CTSH: variants seen among roughly 807,000 people sequenced by gnomAD.
CTSH encodes pro-cathepsin H.
CTSH carries 52 observed loss-of-function variants against 56.3 expected under a neutral mutation model. The ratio of observed to expected loss-of-function variants is 0.92; its 90% CI spans 0.74 to 1.16. The LOEUF is 1.16. Among genes scored for constraint, CTSH ranks in the 50% most tolerant of loss-of-function variants. The pLI, the probability that CTSH is intolerant of heterozygous loss-of-function variation, is 0.00. For missense variants in CTSH, 406 were observed against 424.5 expected, an observed-to-expected ratio of 0.96 and a Z score of 0.38; for synonymous variants, 174 against 155.7, an observed-to-expected ratio of 1.12 and a Z score of -0.88.
intron 5 of CTSH, among the ~76,000 whole-genome samples, chr15:78,932,740 C>T (rs2055091344): frequency 6.6e-6 from 1 of 152,170 alleles, no homozygotes; most frequent in Non-Finnish European, 1.5e-5. Context: ...TGGCCTCTGA[C>T]CAGTGCCTGT....
At position 78,935,731 on chromosome 15, in the gene CTSH, T is replaced by C; in HGVS notation, c.249A>G (p.Ser83=). 1 of 1,611,216 alleles carries C rather than the reference T, an allele frequency of 6.2e-7. No individual in the cohort carries two copies. Among genetic ancestry groups the C allele is most frequent in the African/African-American group, 1.3e-5 (1 of 75,028 alleles). The change falls in exon 4 of 12, where the codon TCA becomes TCG. Residue 83 remains serine (S), a synonymous_variant. Transcript: ENST00000220166. ...HTFKMALNQF[S]DMSFAEIKHK... ...GTTTTATTTCAGCAAAGCTCATGTC[T>C]GAAAATTGGTTCAGTGCCACTACAA... is the stretch of plus-strand genomic sequence containing the variant.
chr15:78,921,589 G>A lies in CTSH; in HGVS notation c.*541C>T, dbSNP rs1258976679. ...TCTCCACTCAGGTTTGGGACAAATAGTCAAGATCTCAAATTAAGCCTGCTC... is the reference window on the plus strand; with the variant it reads ...TCTCCACTCAGGTTTGGGACAAATAATCAAGATCTCAAATTAAGCCTGCTC... On this transcript the variant is annotated 3_prime_UTR_variant, in exon 12 of 12. Transcript: ENST00000220166. 2 of 152,572 alleles carry A rather than the reference G, an allele frequency of 1.3e-5. No individual in the cohort carries two copies. Among genetic ancestry groups the A allele is most frequent in the Non-Finnish European group, 2.9e-5 (2 of 68,392 alleles). 9.5% of individuals were successfully genotyped at this position (152,572 alleles called of 1,614,324 possible).
At chr15:78,941,665 G>A (rs369052486) in intron 1 of CTSH, among the ~76,000 whole-genome samples, 5 of 151,222 alleles carry the variant, frequency 3.3e-5, no homozygotes, top group East Asian at 2.0e-4. Flanking sequence ...GCGTGGTGGC[G>A]GGCGCCTGCA....
In CTSH at chr15:78,929,568, C is replaced by T. The variant is rs187758419; in HGVS notation, c.549-75G>A. 52 of 1,008,460 alleles carry T rather than the reference C, an allele frequency of 5.2e-5. No individual in the cohort carries two copies. In the African/African-American group the frequency reaches 6.3e-4, roughly 12 times the overall value. The allele number at this position is 1,008,460 out of a possible 1,614,324, so 62.5% of individuals were successfully genotyped here. A position where few individuals can be genotyped will look rare whatever the true frequency, so the allele number is the denominator to read the frequency against. On this transcript the variant is annotated intron_variant, in intron 7 of 11. Coordinates refer to ENST00000220166, the MANE Select transcript of CTSH (RefSeq NM_004390.5). The stretch of plus-strand genomic sequence containing the variant: ...GCGGGGCCCTCGGGGACTGGCGTGG[C>T]GAGATATCTGGCCTGGCAGGCTGGG...
intron 10 of CTSH, among the ~76,000 whole-genome samples, chr15:78,923,772 C>A (rs867489301): frequency 2.0e-5 from 3 of 152,220 alleles, no homozygotes; most frequent in Non-Finnish European, 4.4e-5. Flanking sequence ...GTTGCCACTG[C>A]ATTTATTAAA....
chr15:78,924,694 T>C (rs2054863137), intron 10 of CTSH, among the ~76,000 whole-genome samples: 1 of 146,970 alleles, frequency 6.8e-6, no homozygotes, highest in African/African-American at 2.6e-5. Context: ...ACATGGGTAT[T>C]TTTTTTTTTT....
At chr15:78,925,704 GTCAT>G (rs1036429622) in intron 9 of CTSH, 5 of 387,020 alleles carry the variant, frequency 1.3e-5, no homozygotes, top group Admixed American at 3.7e-5. Flanking sequence ...TACTCATTCA[GTCAT>G]TCACATCCAT....
At chr15:78,940,597 A>T (rs2055267745) in intron 1 of CTSH, among the ~76,000 whole-genome samples, 1 of 152,022 alleles carries the variant, frequency 6.6e-6, no homozygotes, top group South Asian at 2.1e-4. Context: ...AAAGCTAGCC[A>T]GTGGAATCTA....
chr15:78,927,892 G>A (rs1412628703), intron 8 of CTSH, 111 bp from the exon 9 acceptor site: 1 of 840,984 alleles, frequency 1.2e-6, no homozygotes, highest in Non-Finnish European at 2.0e-6. Context: ...AGGGCCTGGG[G>A]GATGGGATAA....
Position 78,942,626 on chromosome 15 carries a change from G to A in CTSH, c.91+2265C>T, listed in dbSNP as rs140368448. On this transcript the variant is annotated intron_variant, in intron 1 of 11. Transcript: ENST00000220166. ...TGCCAGATATGAACGATTTATTACC[G>A]TTTTGTCTTTTTGTTTGCTGTCCCT... Among the ~76,000 whole-genome samples, 33 of 152,292 alleles carry A rather than the reference G, an allele frequency of 2.2e-4. No homozygotes were observed. In the East Asian group the frequency reaches 5.0e-3, roughly 23 times the overall value.
chr15:78,943,421 G>T (rs1027059412), intron 1 of CTSH, among the ~76,000 whole-genome samples: 4 of 152,024 alleles, frequency 2.6e-5, no homozygotes, highest in Non-Finnish European at 4.4e-5. Context: ...GTAGAGACAG[G>T]GTTTCACCAT....
rs769669640 is a variant in CTSH at position 78,935,026 on chromosome 15, G to A, written c.357C>T (p.Ser119=). 1.2e-5 allele frequency: 19 copies of A among 1,614,028 alleles called. No individual in the cohort carries two copies. The East Asian group carries it at 1.6e-4, about 13-fold the overall frequency. Residue 119 remains serine (S), a synonymous_variant, in exon 5 of 12, where the codon TCC becomes TCT. Coordinates refer to ENST00000220166, the MANE Select transcript of CTSH (RefSeq NM_004390.5). ...AATTTCCTTTTTTCCGCCAGTCCAC[G>A]GAAGGTGGGTAGGGACCAGTACCTC... The part of the protein sequence containing the change: ...YLRGTGPYPP[S]VDWRKKGNFV...
chr15:78,939,038 G>T, intron 2 of CTSH, 102 bp downstream of exon 2: 1 of 1,117,812 alleles, frequency 8.9e-7, no homozygotes, highest in Non-Finnish European at 1.3e-6. Flanking sequence ...AGGCAAAGTT[G>T]GAAATTCCCT....
At chr15:78,934,747 G>C (rs2055137187) in intron 5 of CTSH, 1 of 594,170 alleles carries the variant, frequency 1.7e-6, no homozygotes, top group Middle Eastern at 4.6e-4. Flanking sequence ...GGGGAAGGAA[G>C]GGAGTAAACT....
Position 78,931,448 on chromosome 15 carries a change from T to TC in CTSH, c.548+2_548+3insG. 1.9e-6 allele frequency: 3 copies of TC among 1,614,204 alleles called. No homozygotes were observed. Among genetic ancestry groups the TC allele is most frequent in the Non-Finnish European group, 2.5e-6 (3 of 1,180,028 alleles). On this transcript the variant is annotated splice_region_variant and intron_variant, in intron 7 of 11. Transcript: ENST00000220166. ...TTTGGGCCCCTTCTGGTCAGAGACGTACCCTTGGCAGCCGTGATTATTGAA... is the reference window on the plus strand; with the variant it reads ...TTTGGGCCCCTTCTGGTCAGAGACGTCACCCTTGGCAGCCGTGATTATTGAA...
In CTSH at chr15:78,931,488, C is replaced by CAA; in HGVS notation, c.510_511insTT (p.Asp171LeufsTer59). ...TGATTATTGAAGTCCTGGGCGCAGT[C>CAA]CACCAGCTGCTGTTCCGCCTGGAAG... is the stretch of plus-strand genomic sequence containing the variant. On this transcript the variant is annotated frameshift_variant, in exon 7 of 12. Transcript: ENST00000220166. LOFTEE classifies it high-confidence loss of function. The CAA allele has an allele frequency of 1.2e-6, 2 of 1,614,254 alleles. No individual in the cohort carries two copies. Among genetic ancestry groups the CAA allele is most frequent in the South Asian group, 2.2e-5 (2 of 91,092 alleles).
chr15:78,927,675 G>A (rs2054941157), intron 9 of CTSH, 38 bp downstream of exon 9: 2 of 1,595,150 alleles, frequency 1.3e-6, no homozygotes, highest in East Asian at 4.5e-5. Context: ...CTCCTCATCA[G>A]GACACATTCC....
At chr15:78,930,717 C>G (rs900855174) in intron 7 of CTSH, among the ~76,000 whole-genome samples, 4 of 152,110 alleles carry the variant, frequency 2.6e-5, no homozygotes, top group Non-Finnish European at 4.4e-5. Context: ...GACGTCACCC[C>G]TGGGTCCCCA....
chr15:78,931,285 A>G (rs753310030), intron 7 of CTSH, among the ~76,000 whole-genome samples, 166 bp downstream of exon 7: 3 of 152,200 alleles, frequency 2.0e-5, no homozygotes, highest in Non-Finnish European at 4.4e-5. Flanking sequence ...CCTGGCTATG[A>G]GACCTGGCCA....
Sources: allele counts gnomAD v4.1 joint callset (sites outside exome capture counted in the v4.1 genomes callset), GRCh38; gene constraint gnomAD v4.1.1; transcripts MANE v1.5; gene names NCBI Gene and HGNC (gene_info 2026-07-23, HGNC 2026-07-21).